The following LRRC69 variants were observed in gnomAD, a reference collection of about 807,000 sequenced individuals.
LRRC69 encodes leucine rich repeat containing 69, also known as leucine-rich repeat-containing protein 69.
LRRC69 carries 42 observed loss-of-function variants against 37.8 expected under a neutral mutation model. That is an observed-to-expected ratio of 1.11 (90% confidence interval 0.87 to 1.44). The LOEUF (loss-of-function observed/expected upper bound fraction) is 1.44, where lower values mean the gene tolerates loss of function less well. Among genes scored for constraint, LRRC69 ranks in the 40% most tolerant of loss-of-function variants. The pLI is 0.00. For synonymous variants in LRRC69, 141 were observed against 143.1 expected (o/e 0.99, Z 0.11); for missense variants, 357 against 401.9 (o/e 0.89, Z 0.96).
chr8:91,113,376 C>G (rs912937074), intron 1 of LRRC69, among the ~76,000 whole-genome samples: 2 of 151,932 alleles, frequency 1.3e-5, no homozygotes, highest in Non-Finnish European at 2.9e-5. Flanking sequence ...ACACATAGAC[C>G]AATGGGACAG....
At chr8:91,117,101 C>A (rs1341617113) in intron 1 of LRRC69, among the ~76,000 whole-genome samples, 1 of 151,710 alleles carries the variant, frequency 6.6e-6, no homozygotes. Flanking sequence ...GTATTTGGAG[C>A]AAGTATACAA....
chr8:91,127,652 A>C (rs1014765299), intron 3 of LRRC69, among the ~76,000 whole-genome samples: 1 of 146,742 alleles, frequency 6.8e-6, no homozygotes, highest in Admixed American at 7.0e-5. Context: ...CTTATCCTGC[A>C]TATCTGCACA....
exon 7 of LRRC69, chr8:91,200,767 G>C: frequency 6.5e-7 from 1 of 1,532,106 alleles, no homozygotes; most frequent in Non-Finnish European, 8.8e-7. Context: ...TGGCTGGAAT[G>C]TGTTCGATTT....
chr8:91,151,491 G>A (rs79922729), intron 5 of LRRC69, among the ~76,000 whole-genome samples: 4,620 of 151,592 alleles, frequency 0.03, 205 homozygotes, highest in East Asian at 0.21. Flanking sequence ...TTGCTGAGGA[G>A]TGCTTTACTT....
intron 1 of LRRC69, among the ~76,000 whole-genome samples, chr8:91,106,548 C>T (rs1056475705): frequency 2.5e-4 from 38 of 152,150 alleles, no homozygotes; most frequent in African/African-American, 9.1e-4. Context: ...TTATTACCCT[C>T]ATACTGTTAA....
intron 5 of LRRC69, among the ~76,000 whole-genome samples, chr8:91,145,967 A>G (rs1440404000): frequency 6.6e-6 from 1 of 151,878 alleles, no homozygotes; most frequent in Non-Finnish European, 1.5e-5. Flanking sequence ...TTCTTGTTTT[A>G]AAAATTGAGG....
chr8:91,202,204 T>TAAAACAAAAACA (rs140816721), intron 7 of LRRC69, among the ~76,000 whole-genome samples: 16 of 151,560 alleles, frequency 1.1e-4, no homozygotes, highest in Non-Finnish European at 1.9e-4. Flanking sequence ...AGACTCTGTC[T>TAAAACAAAAACA]AAAACAAAAA....
intron 5 of LRRC69, among the ~76,000 whole-genome samples, chr8:91,179,871 T>A (rs1809295252): frequency 1.3e-5 from 2 of 152,206 alleles, no homozygotes. Flanking sequence ...AATTGGGATA[T>A]TACAATGAAA....
chr8:91,216,498 T>G (rs894441914), intron 7 of LRRC69, among the ~76,000 whole-genome samples: 1 of 152,182 alleles, frequency 6.6e-6, no homozygotes, highest in African/African-American at 2.4e-5. Context: ...TTGGCTCTAT[T>G]AATTGTTCAG....
chr8:91,112,617 C>A (rs562845637), intron 1 of LRRC69, among the ~76,000 whole-genome samples: 1 of 152,094 alleles, frequency 6.6e-6, no homozygotes, highest in African/African-American at 2.4e-5. Flanking sequence ...ATGAGACTCC[C>A]ACAACTAACA....
chr8:91,156,172 T>G (rs943970782), intron 5 of LRRC69, among the ~76,000 whole-genome samples: 4 of 151,022 alleles, frequency 2.6e-5, no homozygotes. Flanking sequence ...ATTTACAGTG[T>G]ATGAGTTTTC....
rs190115893 is a variant in LRRC69 at position 91,155,802 on chromosome 8, C to T, written c.651+20063C>T. Among the ~76,000 whole-genome samples, 6 of 150,148 alleles carry T rather than the reference C, an allele frequency of 4.0e-5. No individual in the cohort carries two copies. The East Asian group carries it at 5.9e-4, about 15-fold the overall frequency. On this transcript the variant is annotated intron_variant, in intron 5 of 7. Transcript: ENST00000448384. ...TCCTCCAGGTTCATCCATATTGCCTCGAATGACAGGATTTCATTCTTTTTA... is the reference window on the plus strand; with the variant it reads ...TCCTCCAGGTTCATCCATATTGCCTTGAATGACAGGATTTCATTCTTTTTA...
intron 7 of LRRC69, among the ~76,000 whole-genome samples, chr8:91,217,972 C>A (rs1233227013): frequency 6.6e-6 from 1 of 152,114 alleles, no homozygotes; most frequent in African/African-American, 2.4e-5. Context: ...CCTGCTGATA[C>A]ATCACCAGGG....
chr8:91,192,624 T>G (rs1468861818), intron 6 of LRRC69, among the ~76,000 whole-genome samples: 2 of 152,182 alleles, frequency 1.3e-5, no homozygotes, highest in Non-Finnish European at 2.9e-5. Context: ...TCATGTGTTT[T>G]TTGGCTGCAT....
intron 6 of LRRC69, among the ~76,000 whole-genome samples, chr8:91,196,845 C>A: frequency 6.6e-6 from 1 of 152,214 alleles, no homozygotes; most frequent in Non-Finnish European, 1.5e-5. Context: ...CTCAGCTTGT[C>A]AAAGTTGTTC....
intron 5 of LRRC69, chr8:91,158,208 A>G: frequency 6.2e-7 from 1 of 1,601,962 alleles, no homozygotes; most frequent in Admixed American, 1.7e-5. Context: ...CCATGGGCTT[A>G]CTATTCAACT....
chr8:91,137,883 A>T (rs1405708495), intron 5 of LRRC69, among the ~76,000 whole-genome samples: 1 of 152,094 alleles, frequency 6.6e-6, no homozygotes, highest in Non-Finnish European at 1.5e-5. Context: ...TAAGTTTCAA[A>T]ATAATGGTAG....
intron 5 of LRRC69, among the ~76,000 whole-genome samples, chr8:91,169,615 C>CATGGCATGAGTAT (rs1244324525): frequency 1.4e-5 from 2 of 147,968 alleles, no homozygotes; most frequent in Non-Finnish European, 3.0e-5. Flanking sequence ...TGGTGCGCTG[C>CATGGCATGAGTAT]ACCCACTAAC....
intron 5 of LRRC69, among the ~76,000 whole-genome samples, chr8:91,173,712 G>A (rs893428961): frequency 6.6e-6 from 1 of 152,076 alleles, no homozygotes; most frequent in South Asian, 2.1e-4. Flanking sequence ...AGCAGATTTG[G>A]TGTCTGTTCG....
Sources: gnomAD v4.1 joint callset for allele counts (sites outside exome capture counted in the v4.1 genomes callset) on GRCh38, gnomAD v4.1.1 for gene constraint, MANE v1.5 for transcripts, NCBI Gene and HGNC (gene_info 2026-07-23, HGNC 2026-07-21) for gene names.